DYM: variants seen among roughly 807,000 people sequenced by gnomAD.
DYM encodes the protein dyggve-Melchior-Clausen syndrome protein.
A neutral mutation model predicts 93.1 loss-of-function variants in DYM; 78 were observed. The ratio of observed to expected loss-of-function variants is 0.84; its 90% CI spans 0.70 to 1.01. The LOEUF is 1.01. Among genes scored for constraint, DYM ranks in the 50% least tolerant of loss-of-function variants. The pLI is 0.00. For missense variants in DYM, 789 were observed against 845.0 expected, an observed-to-expected ratio of 0.93 and a Z score of 0.82; for synonymous variants, 321 against 319.7, an observed-to-expected ratio of 1.00 and a Z score of -0.04.
At chr18:49,167,328 A>G (rs952898708) in intron 14 of DYM, among the ~76,000 whole-genome samples, 6 of 152,076 alleles carry the variant, frequency 3.9e-5, no homozygotes, top group African/African-American at 1.2e-4. Context: ...AAGGACACAA[A>G]TGTTGAAATG....
intron 14 of DYM, among the ~76,000 whole-genome samples, chr18:49,197,421 T>A (rs2091566493): frequency 6.6e-6 from 1 of 152,090 alleles, no homozygotes; most frequent in Non-Finnish European, 1.5e-5. Flanking sequence ...GGGGCTGTAC[T>A]ACCTAGTTCA....
chr18:49,151,429 G>A (rs1171345526), intron 15 of DYM, among the ~76,000 whole-genome samples: 5 of 152,094 alleles, frequency 3.3e-5, no homozygotes, highest in African/African-American at 1.2e-4. Flanking sequence ...CTGGTTTTGG[G>A]GGTCTTATTT....
intron 8 of DYM, among the ~76,000 whole-genome samples, chr18:49,294,822 G>T (rs983637917): frequency 2.6e-5 from 4 of 152,048 alleles, no homozygotes. Context: ...GTCAGCCACA[G>T]TTACAAAAAT....
rs552503537 is a variant in DYM at position 49,452,629 on chromosome 18, G to T, written c.-54+7769C>A. 5.9e-5 allele frequency among the ~76,000 whole-genome samples: 9 copies of T among 152,168 alleles called. No individual in the cohort carries two copies. In the South Asian group the frequency reaches 1.9e-3, roughly 32 times the overall value. On this transcript the variant is annotated intron_variant, in intron 1 of 17. Coordinates refer to ENST00000675505, the MANE Select transcript of DYM (RefSeq NM_001353214.3). ...CTACAATCCCTCAGCTAGACATAAA[G>T]GTTCTCCAAGTCACTGCCGTGGGCT...
At chr18:49,307,533 C>T (rs114826370) in intron 8 of DYM, among the ~76,000 whole-genome samples, 2,154 of 152,240 alleles carry the variant, frequency 0.014, 52 homozygotes, top group African/African-American at 0.049. Context: ...ATGGTCTATT[C>T]TTGGTGTGCA....
intron 9 of DYM, 31 bp downstream of exon 9, chr18:49,286,403 C>T (rs1176615065): frequency 1.9e-6 from 3 of 1,609,080 alleles, no homozygotes; most frequent in Admixed American, 1.7e-5. Context: ...CTCCCCATTA[C>T]AAAGAATATT....
At chr18:49,213,333 G>C (rs2092878474) in intron 13 of DYM, among the ~76,000 whole-genome samples, 1 of 129,422 alleles carries the variant, frequency 7.7e-6, no homozygotes, top group South Asian at 2.4e-4. Context: ...GTTTTGCCCT[G>C]TTGCCTAGAC....
At chr18:49,448,879 C>G (rs1456833594) in intron 1 of DYM, among the ~76,000 whole-genome samples, 1 of 152,200 alleles carries the variant, frequency 6.6e-6, no homozygotes, top group Non-Finnish European at 1.5e-5. Flanking sequence ...ACAGAATTAA[C>G]CCAGCCCTTT....
intron 14 of DYM, among the ~76,000 whole-genome samples, chr18:49,169,889 A>C (rs376677745): frequency 2.6e-5 from 4 of 152,334 alleles, no homozygotes; most frequent in African/African-American, 9.6e-5. Flanking sequence ...CATATTATCC[A>C]AATAAAGAGA....
intron 1 of DYM, chr18:49,431,742 T>C (rs1483987464): frequency 6.6e-6 from 1 of 152,230 alleles, no homozygotes; most frequent in Admixed American, 6.5e-5. Context: ...TCCCTTCTCA[T>C]TCCACAAAGG....
intron 15 of DYM, among the ~76,000 whole-genome samples, chr18:49,135,143 C>T (rs2083718410): frequency 6.6e-6 from 1 of 151,970 alleles, no homozygotes; most frequent in African/African-American, 2.4e-5. Flanking sequence ...CCACTTCTCT[C>T]CAGATACGTA....
intron 8 of DYM, among the ~76,000 whole-genome samples, chr18:49,303,909 C>T (rs1216842903): frequency 6.6e-6 from 1 of 152,196 alleles, no homozygotes; most frequent in East Asian, 1.9e-4. Context: ...AAGTCTCCTA[C>T]AAAACAGTCT....
intron 1 of DYM, 149 bp downstream of exon 1, chr18:49,460,249 C>G (rs1216223312): frequency 6.6e-6 from 1 of 152,134 alleles, no homozygotes; most frequent in East Asian, 1.9e-4. Flanking sequence ...CCCAGGCGCC[C>G]GCGGGCAGGG....
chr18:49,439,571 A>G (rs2081144795), intron 1 of DYM, among the ~76,000 whole-genome samples: 1 of 152,248 alleles, frequency 6.6e-6, no homozygotes, highest in African/African-American at 2.4e-5. Flanking sequence ...AAATTACTCA[A>G]AAAATACTTG....
chr18:49,056,064 TGGGGGAG>T (rs1039725249), intron 17 of DYM, among the ~76,000 whole-genome samples: 13 of 152,174 alleles, frequency 8.5e-5, no homozygotes, highest in African/African-American at 2.9e-4. Context: ...ATGAGGGGGC[TGGGGGAG>T]GTGCAGGCTG....
At chr18:49,276,085 G>C (rs982474600) in intron 10 of DYM, among the ~76,000 whole-genome samples, 1 of 151,924 alleles carries the variant, frequency 6.6e-6, no homozygotes, top group Non-Finnish European at 1.5e-5. Context: ...CAAATGCCCA[G>C]GCTAGAATCT....
chr18:49,216,610 C>A (rs1002363689), intron 13 of DYM, among the ~76,000 whole-genome samples: 2 of 152,204 alleles, frequency 1.3e-5, no homozygotes, highest in African/African-American at 4.8e-5. Flanking sequence ...ATCCGCAGTT[C>A]TGAAGCTACC....
At chr18:49,318,213 C>G (rs1159488065) in intron 8 of DYM, among the ~76,000 whole-genome samples, 2 of 152,126 alleles carry the variant, frequency 1.3e-5, no homozygotes, top group African/African-American at 4.8e-5. Flanking sequence ...CAGAAGCAAA[C>G]TAAGGCAGGA....
At chr18:49,384,209 G>C (rs1747670860) in intron 3 of DYM, among the ~76,000 whole-genome samples, 1 of 150,368 alleles carries the variant, frequency 6.7e-6, no homozygotes, top group South Asian at 2.1e-4. Flanking sequence ...TATGGTCCCA[G>C]CTACCCAGGA....
Sources: gnomAD v4.1 joint callset for allele counts (sites outside exome capture counted in the v4.1 genomes callset) on GRCh38, gnomAD v4.1.1 for gene constraint, MANE v1.5 for transcripts, NCBI Gene and HGNC (gene_info 2026-07-23, HGNC 2026-07-21) for gene names.